TMEM170B: variants seen among roughly 807,000 people sequenced by gnomAD.
The protein encoded by TMEM170B is transmembrane protein 170B.
In TMEM170B, 6 loss-of-function variants were observed where a neutral mutation model predicts 13.0. The ratio of observed to expected loss-of-function variants is 0.46; its 90% confidence interval spans 0.25 to 0.91. TMEM170B has a LOEUF of 0.91. Ranked by LOEUF, TMEM170B falls within the 40% of genes least tolerant of loss-of-function variation. The probability of loss-of-function intolerance (pLI) is 0.17; values close to 1 mark genes in which losing one functional copy is unlikely to be tolerated. For synonymous variants in TMEM170B, 61 were observed against 64.9 expected (o/e 0.94, Z 0.29); for missense variants, 138 against 165.2 (o/e 0.84, Z 0.90).
chr6:11,560,138 A>G (rs191246307), intron 1 of TMEM170B, among the ~76,000 whole-genome samples: 1 of 151,816 alleles, frequency 6.6e-6, no homozygotes, highest in East Asian at 1.9e-4. Flanking sequence ...CTAGCAGAGC[A>G]TCTTCTCCTT....
chr6:11,566,009 A>G (rs1233674580), intron 2 of TMEM170B, among the ~76,000 whole-genome samples, 173 bp downstream of exon 2: 1 of 152,238 alleles, frequency 6.6e-6, no homozygotes, highest in Non-Finnish European at 1.5e-5. Flanking sequence ...CATTGAACAG[A>G]CAAGTCGTTG....
intron 2 of TMEM170B, among the ~76,000 whole-genome samples, chr6:11,572,558 G>C (rs944964981): frequency 2.0e-5 from 3 of 152,024 alleles, no homozygotes; most frequent in African/African-American, 7.2e-5. Flanking sequence ...AATTTTAGGG[G>C]TGTTTTAGGC....
chr6:11,544,885 G>A (rs1025331571), intron 1 of TMEM170B, among the ~76,000 whole-genome samples: 5 of 151,960 alleles, frequency 3.3e-5, no homozygotes, highest in Non-Finnish European at 7.4e-5. Context: ...AATCTAAAAT[G>A]AGAGTCAATA....
chr6:11,537,832 C>T lies in TMEM170B; in HGVS notation c.-446C>T, dbSNP rs1182862900. The stretch of plus-strand genomic sequence containing the variant: ...TGGCTGGTCCCGCGTCTCCGTCCTC[C>T]GGCGGCGATGAGCTGGGCCCTGTCG... On this transcript the variant is annotated 5_prime_UTR_variant, in exon 1 of 3. Transcript: ENST00000379426. Among the ~76,000 whole-genome samples the T allele has an allele frequency of 1.3e-5, 2 of 151,742 alleles. No individual in the cohort carries two copies. The highest frequency in any genetic ancestry group is 1.3e-4 in the Admixed American group (2 of 15,250).
At chr6:11,552,540 G>A (rs956381268) in intron 1 of TMEM170B, among the ~76,000 whole-genome samples, 5 of 152,140 alleles carry the variant, frequency 3.3e-5, no homozygotes, top group Non-Finnish European at 5.9e-5. Context: ...CCATGTGCAT[G>A]TGCAGAAAGC....
intron 1 of TMEM170B, among the ~76,000 whole-genome samples, chr6:11,553,606 C>G (rs1759551817): frequency 6.6e-6 from 1 of 152,018 alleles, no homozygotes; most frequent in Non-Finnish European, 1.5e-5. Context: ...ATAATACTAT[C>G]TAATGTAAAT....
At chr6:11,540,261 T>C (rs1759341642) in intron 1 of TMEM170B, among the ~76,000 whole-genome samples, 1 of 152,182 alleles carries the variant, frequency 6.6e-6, no homozygotes, top group Non-Finnish European at 1.5e-5. Context: ...CTCTGTAGCA[T>C]GGGATGCTGT....
At chr6:11,547,322 A>C (rs538494823) in intron 1 of TMEM170B, among the ~76,000 whole-genome samples, 1 of 152,320 alleles carries the variant, frequency 6.6e-6, no homozygotes, top group Non-Finnish European at 1.5e-5. Context: ...CCAAGAAGGC[A>C]TGCTTCTCTT....
intron 1 of TMEM170B, among the ~76,000 whole-genome samples, chr6:11,544,170 G>A (rs1285887487): frequency 1.3e-5 from 2 of 152,144 alleles, no homozygotes; most frequent in African/African-American, 2.4e-5. Flanking sequence ...CAGGTCGAGA[G>A]AGAATAAATA....
chr6:11,539,121 C>T (rs1238937603), intron 1 of TMEM170B, among the ~76,000 whole-genome samples: 1 of 152,138 alleles, frequency 6.6e-6, no homozygotes, highest in Non-Finnish European at 1.5e-5. Context: ...ATAAAACACA[C>T]AATATTTTTA....
At position 11,538,151 on chromosome 6, in the gene TMEM170B, C is replaced by T; in HGVS notation, c.-127C>T. 4.8e-6 allele frequency: 1 copy of T among 206,560 alleles called. No homozygotes were observed. The highest frequency in any genetic ancestry group is 8.8e-6 in the Non-Finnish European group (1 of 113,012). The allele number at this position is 206,560 out of a possible 1,614,324, so 12.8% of individuals were successfully genotyped here. ...GCAGCAGCAGCAGCGCCCGGCCCGGCGTCCCGCAGCCTCCACCAGCGGCGG... is the reference window on the plus strand; with the variant it reads ...GCAGCAGCAGCAGCGCCCGGCCCGGTGTCCCGCAGCCTCCACCAGCGGCGG... On this transcript the variant is annotated 5_prime_UTR_variant, in exon 1 of 3. Coordinates refer to ENST00000379426, the MANE Select transcript of TMEM170B (RefSeq NM_001100829.3).
intron 1 of TMEM170B, among the ~76,000 whole-genome samples, chr6:11,562,223 G>A (rs952425471): frequency 6.6e-6 from 1 of 151,796 alleles, no homozygotes; most frequent in Non-Finnish European, 1.5e-5. Flanking sequence ...TAGGAAAACT[G>A]TATCTTTCAA....
chr6:11,546,215 A>G (rs1004885643), intron 1 of TMEM170B, among the ~76,000 whole-genome samples: 60 of 151,846 alleles, frequency 4.0e-4, no homozygotes, highest in African/African-American at 1.4e-3. Context: ...GCCTAGGCTA[A>G]TATGTATGTT....
chr6:11,557,738 A>G (rs1203952566), intron 1 of TMEM170B, among the ~76,000 whole-genome samples: 21 of 152,224 alleles, frequency 1.4e-4, no homozygotes, highest in Non-Finnish European at 2.9e-5. Context: ...TGTTCACACC[A>G]GAAATCTGGG....
chr6:11,559,925 CTT>C (rs899682430), intron 1 of TMEM170B, among the ~76,000 whole-genome samples: 7 of 151,722 alleles, frequency 4.6e-5, no homozygotes, highest in Non-Finnish European at 8.8e-5. Context: ...TTGCTAATGA[CTT>C]TTAATAGAGA....
intron 1 of TMEM170B, among the ~76,000 whole-genome samples, chr6:11,557,193 C>T (rs910554112): frequency 3.3e-5 from 5 of 152,192 alleles, no homozygotes; most frequent in East Asian, 1.9e-4. Context: ...TGCTTTGCAT[C>T]CTCACCTCAC....
chr6:11,575,396 C>T lies in TMEM170B; in HGVS notation c.269-35C>T. ...ATGCAGTGTGTTATAAAACGAGTGA[C>T]TGTATCCCTTCATTTTTCTCCCGTT... On this transcript the variant is annotated intron_variant, in intron 2 of 2. Coordinates refer to ENST00000379426, the MANE Select transcript of TMEM170B (RefSeq NM_001100829.3). This position sits in a 1 kb window ranked among gnomAD's most constrained non-coding sequence, Gnocchi z 4.1. 6.2e-7 allele frequency: 1 copy of T among 1,612,352 alleles called. No homozygotes were observed. Among genetic ancestry groups the T allele is most frequent in the Non-Finnish European group, 8.5e-7 (1 of 1,178,772 alleles).
chr6:11,556,660 G>A (rs951411992), intron 1 of TMEM170B, among the ~76,000 whole-genome samples: 2 of 152,022 alleles, frequency 1.3e-5, no homozygotes, highest in Admixed American at 6.6e-5. Context: ...GGAGTTTCTC[G>A]TCCTTCCATC....
intron 1 of TMEM170B, among the ~76,000 whole-genome samples, chr6:11,550,462 T>G (rs1441505842): frequency 6.6e-6 from 1 of 151,914 alleles, no homozygotes; most frequent in South Asian, 2.1e-4. Flanking sequence ...CATGAGCCAC[T>G]GTGCCCAGCC....
Sources: gnomAD v4.1 joint callset for allele counts (sites outside exome capture counted in the v4.1 genomes callset) on GRCh38, gnomAD v4.1.1 for gene constraint, Gnocchi (gnomAD v3.1) non-coding constraint, MANE v1.5 for transcripts, NCBI Gene and HGNC (gene_info 2026-07-23, HGNC 2026-07-21) for gene names.